The following SAMD12 variants were observed in gnomAD, a reference collection of about 807,000 sequenced individuals.
SAMD12 encodes the protein sterile alpha motif domain-containing protein 12.
A neutral mutation model predicts 15.0 loss-of-function variants in SAMD12; 9 were observed. The ratio of observed to expected loss-of-function variants is 0.60; its 90% CI spans 0.36 to 1.05. The LOEUF (loss-of-function observed/expected upper bound fraction) is 1.05. Ranked by LOEUF, SAMD12 falls within the 50% of genes least tolerant of loss-of-function variation. The pLI is 0.01. For missense variants in SAMD12, 230 were observed against 234.2 expected (o/e 0.98, Z 0.12); for synonymous variants, 86 against 90.1 (o/e 0.96, Z 0.25).
chr8:118,257,030 C>T lies in SAMD12; in HGVS notation c.434-59298G>A, dbSNP rs530811890. On this transcript the variant is annotated intron_variant, in intron 4 of 4. Transcript: ENST00000409003. ...ATCTTATAACACTCTACTGCTTGCT[C>T]ATGCTGCAAACACACTGGCCTCAAG... Among the ~76,000 whole-genome samples, 5 of 152,182 alleles carry T rather than the reference C, an allele frequency of 3.3e-5. No individual in the cohort carries two copies. The East Asian group carries it at 7.7e-4, about 24-fold the overall frequency.
At chr8:118,370,354 A>C (rs1819024669) in intron 4 of SAMD12, among the ~76,000 whole-genome samples, 1 of 152,208 alleles carries the variant, frequency 6.6e-6, no homozygotes, top group Admixed American at 6.5e-5. Flanking sequence ...AATTAGTTGA[A>C]CCATTGTAGA....
At chr8:118,540,291 T>C (rs1372030005) in intron 2 of SAMD12, among the ~76,000 whole-genome samples, 1 of 152,214 alleles carries the variant, frequency 6.6e-6, no homozygotes, top group Admixed American at 6.5e-5. Flanking sequence ...CAGAGTATTA[T>C]GATCAGTGAT....
In SAMD12 at chr8:118,327,929, G is replaced by C. The variant is rs556177755; in HGVS notation, c.433+51631C>G. Reference sequence around the variant, plus strand: ...TTTAAGGTTTGCCAGATCTGTTTTCGATCTTCAAAATGCAGACTGTGGGTG... The same window carrying C: ...TTTAAGGTTTGCCAGATCTGTTTTCCATCTTCAAAATGCAGACTGTGGGTG... On this transcript the variant is annotated intron_variant, in intron 4 of 4. Coordinates refer to the SAMD12 transcript ENST00000409003. 5.9e-5 allele frequency among the ~76,000 whole-genome samples: 9 copies of C among 152,232 alleles called. No homozygotes were observed. In the South Asian group the frequency reaches 1.2e-3, roughly 21 times the overall value.
chr8:118,511,262 T>G (rs1825071828), intron 2 of SAMD12, among the ~76,000 whole-genome samples: 1 of 152,176 alleles, frequency 6.6e-6, no homozygotes, highest in African/African-American at 2.4e-5. Flanking sequence ...GGAAGAAAGA[T>G]CGATTCTTAT....
At chr8:118,151,345 C>A in the SAMD12 span, among the ~76,000 whole-genome samples, 1 of 152,050 alleles carries the variant, frequency 6.6e-6, no homozygotes, top group Non-Finnish European at 1.5e-5. Flanking sequence ...AAATATTTAG[C>A]CATTACCTTT....
chr8:118,344,141 C>G (rs561964570), intron 4 of SAMD12, among the ~76,000 whole-genome samples: 114 of 152,252 alleles, frequency 7.5e-4, no homozygotes, highest in African/African-American at 2.5e-3. Context: ...AGAGGAAGCC[C>G]TGTAGGTCTT....
intron 2 of SAMD12, among the ~76,000 whole-genome samples, chr8:118,461,569 TACGTATGTAC>T (rs903276862): frequency 3.0e-4 from 45 of 152,290 alleles, no homozygotes; most frequent in African/African-American, 1.1e-3. Flanking sequence ...CTTTGTATTT[TACGTATGTAC>T]ATACGTAAAA....
At chr8:118,285,261 C>G (rs1465947049) in intron 4 of SAMD12, among the ~76,000 whole-genome samples, 1 of 152,110 alleles carries the variant, frequency 6.6e-6, no homozygotes, top group Non-Finnish European at 1.5e-5. Context: ...CCACACTGCA[C>G]AGTGGGTACC....
At chr8:118,446,324 A>C (rs1490724088) in intron 2 of SAMD12, among the ~76,000 whole-genome samples, 4 of 152,076 alleles carry the variant, frequency 2.6e-5, no homozygotes, top group Admixed American at 2.6e-4. Context: ...CAGACTCCAA[A>C]AGTTGTCAAG....
At chr8:118,369,021 A>G (rs1818943543) in intron 4 of SAMD12, among the ~76,000 whole-genome samples, 1 of 152,194 alleles carries the variant, frequency 6.6e-6, no homozygotes, top group African/African-American at 2.4e-5. Context: ...TCATTATACT[A>G]TCATGTGTCT....
chr8:118,261,502 A>G (rs1419716914), intron 4 of SAMD12, among the ~76,000 whole-genome samples: 1 of 152,146 alleles, frequency 6.6e-6, no homozygotes, highest in Non-Finnish European at 1.5e-5. Flanking sequence ...AATATGACAC[A>G]TTAAATGATC....
chr8:118,494,043 T>C (rs2131021853), intron 2 of SAMD12, among the ~76,000 whole-genome samples: 1 of 152,232 alleles, frequency 6.6e-6, no homozygotes, highest in East Asian at 1.9e-4. Flanking sequence ...CTATGTGTAT[T>C]GGGCAGTGAG....
chr8:118,578,194 T>A (rs1320196352), intron 2 of SAMD12, among the ~76,000 whole-genome samples: 1 of 152,166 alleles, frequency 6.6e-6, no homozygotes, highest in Non-Finnish European at 1.5e-5. Context: ...TTTTCCCACA[T>A]AAATACATAC....
At chr8:118,537,697 G>T (rs987562052) in intron 2 of SAMD12, among the ~76,000 whole-genome samples, 1 of 152,096 alleles carries the variant, frequency 6.6e-6, no homozygotes, top group Non-Finnish European at 1.5e-5. Flanking sequence ...GTGTTATCCT[G>T]TATATGGCTG....
chr8:118,150,160 G>A, the SAMD12 span, among the ~76,000 whole-genome samples: 2 of 152,158 alleles, frequency 1.3e-5, no homozygotes, highest in Non-Finnish European at 2.9e-5. Context: ...CCACAACAAA[G>A]AGTTATCTAG....
intron 4 of SAMD12, among the ~76,000 whole-genome samples, chr8:118,262,155 T>C (rs957852642): frequency 1.3e-5 from 2 of 151,996 alleles, no homozygotes; most frequent in Non-Finnish European, 2.9e-5. Context: ...CACTCACTAC[T>C]TGTCTCAAAG....
At chr8:118,370,005 C>T (rs1468754130) in intron 4 of SAMD12, among the ~76,000 whole-genome samples, 3 of 151,954 alleles carry the variant, frequency 2.0e-5, no homozygotes, top group South Asian at 2.1e-4. Flanking sequence ...AAATTTTTTC[C>T]GACGTATCCA....
At chr8:118,502,886 C>T (rs185162963) in intron 2 of SAMD12, among the ~76,000 whole-genome samples, 1 of 152,296 alleles carries the variant, frequency 6.6e-6, no homozygotes, top group African/African-American at 2.4e-5. Flanking sequence ...AGGCCAAGTA[C>T]CTAGGCTTAG....
At chr8:118,475,853 C>T (rs899642345) in intron 2 of SAMD12, among the ~76,000 whole-genome samples, 3 of 152,156 alleles carry the variant, frequency 2.0e-5, no homozygotes, top group Non-Finnish European at 4.4e-5. Flanking sequence ...ATGGGATCAA[C>T]AGATTAACAA....
Sources: allele counts gnomAD v4.1 joint callset (sites outside exome capture counted in the v4.1 genomes callset), GRCh38; gene constraint gnomAD v4.1.1; transcripts MANE v1.5; gene names NCBI Gene and HGNC (gene_info 2026-07-23, HGNC 2026-07-21).